EPB41L5: variants seen among roughly 807,000 people sequenced by gnomAD.
EPB41L5 encodes the protein erythrocyte membrane protein band 4.1 like 5, also known as band 4.1-like protein 5.
Under a neutral mutation model 106.6 loss-of-function variants are expected in EPB41L5, and 55 were observed. That is an observed-to-expected ratio of 0.52 (90% CI 0.42 to 0.65). The LOEUF is 0.65. Ranked by LOEUF, EPB41L5 falls within the 30% of genes least tolerant of loss-of-function variation. EPB41L5 has a pLI of 0.00. For synonymous variants in EPB41L5, 297 were observed against 306.7 expected, an observed-to-expected ratio of 0.97 and a Z score of 0.33; for missense variants, 871 against 882.1, an observed-to-expected ratio of 0.99 and a Z score of 0.16.
rs1445723983 is a variant in EPB41L5, at chr2:120,165,287, T to C, written c.1962+377T>C. The stretch of plus-strand genomic sequence containing the variant: ...ATCATTATTACAGTCTGGAAGATAC[T>C]GTATTAAGTATAGTTGTCCCTCAGT... On this transcript the variant is annotated intron_variant, in intron 22 of 24. Coordinates refer to ENST00000263713, the MANE Select transcript of EPB41L5 (RefSeq NM_020909.4). Among the ~76,000 whole-genome samples the C allele has an allele frequency of 2.0e-5, 3 of 152,236 alleles. No individual in the cohort carries two copies. The East Asian group carries it at 5.8e-4, about 29-fold the overall frequency.
At chr2:120,125,911 A>C (rs1233155171) in intron 16 of EPB41L5, among the ~76,000 whole-genome samples, 5 of 152,064 alleles carry the variant, frequency 3.3e-5, no homozygotes, top group Non-Finnish European at 7.4e-5. Context: ...GAAAGACTCT[A>C]TTCTGTGCCT....
intron 3 of EPB41L5, among the ~76,000 whole-genome samples, chr2:120,061,075 C>T (rs966029507): frequency 9.0e-6 from 1 of 111,194 alleles, no homozygotes; most frequent in Non-Finnish European, 1.7e-5. Flanking sequence ...GAGTCTCACT[C>T]TGTTGCCCAG....
At chr2:120,098,163 T>TGTGTGTGA (rs1274333951) in intron 14 of EPB41L5, among the ~76,000 whole-genome samples, 1 of 150,476 alleles carries the variant, frequency 6.6e-6, no homozygotes, top group Non-Finnish European at 1.5e-5. Flanking sequence ...GTTTTGTGTG[T>TGTGTGTGA]GTGTGTGTGT....
chr2:120,169,311 C>A (rs555298359), intron 24 of EPB41L5, among the ~76,000 whole-genome samples: 6 of 152,242 alleles, frequency 3.9e-5, no homozygotes, highest in African/African-American at 1.2e-4. Context: ...ATAATCTTGA[C>A]CCAACTCCAT....
chr2:120,065,564 T>C (rs1201242451), intron 3 of EPB41L5, among the ~76,000 whole-genome samples: 2 of 148,908 alleles, frequency 1.3e-5, no homozygotes, highest in African/African-American at 4.9e-5. Flanking sequence ...TCACCCAGAC[T>C]GGAGTGCAGT....
chr2:120,041,272 A>G (rs1679385418), intron 2 of EPB41L5, among the ~76,000 whole-genome samples: 1 of 152,144 alleles, frequency 6.6e-6, no homozygotes, highest in Non-Finnish European at 1.5e-5. Flanking sequence ...ATCTGCTTCC[A>G]CGTTCACTGT....
At chr2:120,082,710 AT>A (rs1400393861) in intron 10 of EPB41L5, among the ~76,000 whole-genome samples, 1 of 152,162 alleles carries the variant, frequency 6.6e-6, no homozygotes, top group Non-Finnish European at 1.5e-5. Flanking sequence ...CTCTGGTAGA[AT>A]TTGGCTATGA....
At position 120,127,882 on chromosome 2, in the gene EPB41L5, T is replaced by A. The variant is rs201450962; in HGVS notation, c.1501+31T>A. The A allele has an allele frequency of 2.1e-5, 32 of 1,503,812 alleles. No homozygotes were observed. In the African/African-American group the frequency reaches 3.6e-4, roughly 17 times the overall value. 93.2% of individuals were successfully genotyped at this position (1,503,812 alleles called of 1,614,324 possible). On this transcript the variant is annotated intron_variant, in intron 17 of 24. Transcript: ENST00000263713. ...TAAATGTTCCATTATACATCAGTGA[T>A]ACCTTTTTATCTTCCTTTGAAATAA...
intron 3 of EPB41L5, among the ~76,000 whole-genome samples, chr2:120,063,224 C>A (rs1271964937): frequency 6.6e-6 from 1 of 151,784 alleles, no homozygotes; most frequent in Non-Finnish European, 1.5e-5. Flanking sequence ...CGCCTGTAGT[C>A]CCAGCTACTT....
intron 18 of EPB41L5, among the ~76,000 whole-genome samples, chr2:120,133,448 G>T (rs1450920424): frequency 6.6e-6 from 1 of 152,146 alleles, no homozygotes; most frequent in East Asian, 1.9e-4. Context: ...GGGAGAGGGA[G>T]AGCACAGTGA....
intron 24 of EPB41L5, among the ~76,000 whole-genome samples, chr2:120,169,414 T>C (rs1687567217): frequency 1.3e-5 from 2 of 152,232 alleles, no homozygotes; most frequent in South Asian, 4.1e-4. Flanking sequence ...GTGAACTTAC[T>C]TGTGACCTTA....
At chr2:120,069,426 G>C (rs1266350978) in intron 3 of EPB41L5, among the ~76,000 whole-genome samples, 1 of 151,966 alleles carries the variant, frequency 6.6e-6, no homozygotes, top group East Asian at 1.9e-4. Context: ...ACAGAAAATT[G>C]ACAAGGATAT....
chr2:120,069,340 A>G (rs1300344215), intron 3 of EPB41L5, among the ~76,000 whole-genome samples: 1 of 152,056 alleles, frequency 6.6e-6, no homozygotes, highest in African/African-American at 2.4e-5. Context: ...AGAGACCTAC[A>G]AAGAGACTTA....
rs1687496376 is a variant in EPB41L5, at chr2:120,168,068, A to AAAC, written c.2135+62_2135+64dup. 3 of 1,568,382 alleles carry AAAC rather than the reference A, an allele frequency of 1.9e-6. No homozygotes were observed. The African/African-American group carries it at 4.1e-5, about 21-fold the overall frequency. On this transcript the variant is annotated intron_variant, in intron 24 of 24. Transcript: ENST00000263713. ...ATCTGTTAGGAAGAAAAAAATAATA[A>AAAC]AACTTATTATCTCTAAAGCAGCAAT... is the stretch of plus-strand genomic sequence containing the variant.
At chr2:120,035,317 C>T (rs1374336146) in intron 2 of EPB41L5, among the ~76,000 whole-genome samples, 1 of 152,104 alleles carries the variant, frequency 6.6e-6, no homozygotes, top group Non-Finnish European at 1.5e-5. Context: ...AGGCCAGTCT[C>T]GGAACGCCTG....
At chr2:120,075,785 C>A (rs759778691) in intron 7 of EPB41L5, 32 bp downstream of exon 7, 1 of 1,526,574 alleles carries the variant, frequency 6.6e-7, no homozygotes, top group Non-Finnish European at 9.1e-7. Flanking sequence ...TGTTAAGACT[C>A]AAGTATAATC....
intron 13 of EPB41L5, 43 bp downstream of exon 13, chr2:120,091,704 A>G (rs1432343549): frequency 1.4e-6 from 2 of 1,457,854 alleles, no homozygotes; most frequent in African/African-American, 2.8e-5. Flanking sequence ...TTCCTTGGCA[A>G]TTAATTATGT....
At chr2:120,038,836 A>T (rs1679207958) in intron 2 of EPB41L5, among the ~76,000 whole-genome samples, 1 of 152,226 alleles carries the variant, frequency 6.6e-6, no homozygotes, top group African/African-American at 2.4e-5. Flanking sequence ...TATACCAGGA[A>T]GAGTTGAAAG....
At chr2:120,128,210 G>A (rs1685542342) in intron 17 of EPB41L5, 1 of 152,038 alleles carries the variant, frequency 6.6e-6, no homozygotes, top group African/African-American at 2.5e-5. Flanking sequence ...GATTATTATT[G>A]CCTAGGCCCA....
Sources: allele counts gnomAD v4.1 joint callset (sites outside exome capture counted in the v4.1 genomes callset), GRCh38; gene constraint gnomAD v4.1.1; transcripts MANE v1.5; gene names NCBI Gene and HGNC (gene_info 2026-07-23, HGNC 2026-07-21).